The following ZNF438 variants were observed in gnomAD, a reference collection of about 807,000 sequenced individuals.
ZNF438 encodes the protein zinc finger protein 438.
ZNF438 carries 25 observed loss-of-function variants against 38.0 expected under a neutral mutation model. That is an observed-to-expected ratio of 0.66 (90% CI 0.48 to 0.92). The LOEUF (loss-of-function observed/expected upper bound fraction) is 0.92, where lower values mean the gene tolerates loss of function less well. Ranked by LOEUF, ZNF438 falls within the 40% of genes least tolerant of loss-of-function variation. ZNF438 has a pLI of 0.00. For synonymous variants in ZNF438, 372 were observed against 364.1 expected, an observed-to-expected ratio of 1.02 and a Z score of -0.25; for missense variants, 1,007 against 999.6, an observed-to-expected ratio of 1.01 and a Z score of -0.10.
intron 4 of ZNF438, among the ~76,000 whole-genome samples, chr10:30,851,582 A>G (rs891776074): frequency 1.3e-5 from 2 of 152,260 alleles, no homozygotes; most frequent in Non-Finnish European, 2.9e-5. Context: ...TGCGTGTACT[A>G]AATGTTACAT....
intron 3 of ZNF438, among the ~76,000 whole-genome samples, chr10:30,888,964 T>C (rs190431564): frequency 3.0e-4 from 45 of 152,298 alleles, no homozygotes; most frequent in African/African-American, 1.0e-3. Flanking sequence ...CTTTCCACAG[T>C]GACCAAACTA....
At chr10:30,888,358 C>CACACACACACAA (rs2040230892) in intron 3 of ZNF438, among the ~76,000 whole-genome samples, 1 of 152,026 alleles carries the variant, frequency 6.6e-6, no homozygotes, top group Non-Finnish European at 1.5e-5. Flanking sequence ...CACACACACA[C>CACACACACACAA]ACAAACACAC....
At chr10:31,023,960 T>C (rs1006745928) in intron 1 of ZNF438, among the ~76,000 whole-genome samples, 8 of 152,346 alleles carry the variant, frequency 5.3e-5, no homozygotes, top group African/African-American at 1.9e-4. Flanking sequence ...GCAAGCACGG[T>C]TCTCCCCTAC....
chr10:30,927,394 G>A (rs1274350917), intron 2 of ZNF438, among the ~76,000 whole-genome samples: 2 of 152,220 alleles, frequency 1.3e-5, no homozygotes, highest in African/African-American at 4.8e-5. Context: ...GACCTTGGAG[G>A]AAAATGGGCA....
At chr10:30,957,888 G>A (rs2049039591) in intron 1 of ZNF438, among the ~76,000 whole-genome samples, 1 of 117,868 alleles carries the variant, frequency 8.5e-6, no homozygotes, top group Admixed American at 8.6e-5. Flanking sequence ...ACTCATTATT[G>A]CTGTACTCAG....
At position 30,930,471 on chromosome 10, in the gene ZNF438, C is replaced by A. The variant is rs562610740; in HGVS notation, c.-115+11104G>T. Among the ~76,000 whole-genome samples the A allele has an allele frequency of 1.8e-4, 28 of 152,186 alleles. No homozygotes were observed. In the East Asian group the frequency reaches 4.7e-3, roughly 25 times the overall value. Reference sequence around the variant, plus strand: ...GGGAGCCGGCTCTGGCCTCAGCCAGCCCAGAGAGGGGCTCCCACAGTGCAG... The same window carrying A: ...GGGAGCCGGCTCTGGCCTCAGCCAGACCAGAGAGGGGCTCCCACAGTGCAG... On this transcript the variant is annotated intron_variant, in intron 2 of 5. Transcript: ENST00000413025.
At chr10:30,997,575 ATTTT>A (rs35100326) in intron 1 of ZNF438, among the ~76,000 whole-genome samples, 5 of 143,396 alleles carry the variant, frequency 3.5e-5, no homozygotes, top group Admixed American at 6.9e-5. Flanking sequence ...ACAAAATCCT[ATTTT>A]TTTTTTTTTT....
chr10:30,849,297 T>A, exon 5 of ZNF438: 2 of 1,614,226 alleles, frequency 1.2e-6, no homozygotes, highest in Non-Finnish European at 1.7e-6. Flanking sequence ...GTTTTGTGGT[T>A]AAGATCAAGT....
intron 4 of ZNF438, among the ~76,000 whole-genome samples, chr10:30,851,496 C>T (rs908173518): frequency 2.6e-5 from 4 of 152,212 alleles, no homozygotes; most frequent in Non-Finnish European, 5.9e-5. Flanking sequence ...GCCAAGTCCA[C>T]AATCCCTTTT....
chr10:31,006,004 T>C (rs868396873), intron 1 of ZNF438, among the ~76,000 whole-genome samples: 3 of 152,238 alleles, frequency 2.0e-5, no homozygotes, highest in Non-Finnish European at 4.4e-5. Flanking sequence ...ACACAGAATA[T>C]TGCCTCCCTC....
intron 1 of ZNF438, among the ~76,000 whole-genome samples, chr10:30,994,586 G>A (rs1490310336): frequency 2.6e-5 from 4 of 152,118 alleles, no homozygotes; most frequent in Non-Finnish European, 5.9e-5. Flanking sequence ...CCAGAGGCTC[G>A]CACCATGCTC....
intron 1 of ZNF438, among the ~76,000 whole-genome samples, chr10:31,031,236 C>T (rs1440542270): frequency 6.6e-6 from 1 of 152,214 alleles, no homozygotes; most frequent in African/African-American, 2.4e-5. Context: ...TAAGCTTTCT[C>T]CTAGCAAATT....
chr10:30,924,349 T>C lies in ZNF438; in HGVS notation c.-114-15334A>G, dbSNP rs142961513. Among the ~76,000 whole-genome samples the C allele has an allele frequency of 3.3e-3, 496 of 152,256 alleles. 4 individuals carry two copies. Among genetic ancestry groups the C allele is most frequent in the Middle Eastern group, 0.02 (6 of 294 alleles). On this transcript the variant is annotated intron_variant, in intron 2 of 5. Transcript: ENST00000413025. ...GACCGACTAAAACTAGGGGCTTACA[T>C]ACCAGGGAAGAAATGTAACGATGTG...
At chr10:30,974,166 T>C (rs545313337) in intron 1 of ZNF438, among the ~76,000 whole-genome samples, 1 of 152,150 alleles carries the variant, frequency 6.6e-6, no homozygotes, top group Non-Finnish European at 1.5e-5. Flanking sequence ...TGTCAAGTTT[T>C]CTCCAGGAAA....
At chr10:30,979,936 G>A (rs1229190398) in intron 1 of ZNF438, among the ~76,000 whole-genome samples, 1 of 152,152 alleles carries the variant, frequency 6.6e-6, no homozygotes, top group East Asian at 1.9e-4. Context: ...TGACTCTACT[G>A]ATACATGTGC....
At chr10:30,977,512 G>C (rs958443870) in intron 1 of ZNF438, among the ~76,000 whole-genome samples, 1 of 151,964 alleles carries the variant, frequency 6.6e-6, no homozygotes, top group African/African-American at 2.4e-5. Context: ...AGCAGAAAAG[G>C]AAAAAAGAAA....
At chr10:30,986,889 C>A (rs1412367507) in intron 1 of ZNF438, among the ~76,000 whole-genome samples, 1 of 152,130 alleles carries the variant, frequency 6.6e-6, no homozygotes, top group East Asian at 1.9e-4. Context: ...AGGGTCAATT[C>A]TATTTGTTTT....
At chr10:30,985,708 A>C (rs2052700810) in intron 1 of ZNF438, among the ~76,000 whole-genome samples, 1 of 152,224 alleles carries the variant, frequency 6.6e-6, no homozygotes, top group Non-Finnish European at 1.5e-5. Flanking sequence ...ACAGTAGTTA[A>C]GTTCTATGAA....
At chr10:31,022,798 C>A (rs186932581) in intron 1 of ZNF438, among the ~76,000 whole-genome samples, 2 of 152,182 alleles carry the variant, frequency 1.3e-5, no homozygotes, top group African/African-American at 4.8e-5. Flanking sequence ...TTGTCAACCA[C>A]CACTTCTTCA....
Sources: gnomAD v4.1 joint callset for allele counts (sites outside exome capture counted in the v4.1 genomes callset) on GRCh38, gnomAD v4.1.1 for gene constraint, MANE v1.5 for transcripts, NCBI Gene and HGNC (gene_info 2026-07-23, HGNC 2026-07-21) for gene names.